AHRR: variants seen among roughly 807,000 people sequenced by gnomAD.
The protein encoded by AHRR is ahR repressor.
A neutral mutation model predicts 44.0 loss-of-function variants in AHRR; 28 were observed. The observed-to-expected ratio is 0.64, with a 90% CI of 0.47 to 0.87. The LOEUF (loss-of-function observed/expected upper bound fraction) is 0.87. Among genes scored for constraint, AHRR ranks in the 40% least tolerant of loss-of-function variants. The pLI is 0.00. For missense variants in AHRR, 990 were observed against 953.9 expected (o/e 1.04, Z -0.50); for synonymous variants, 434 against 407.0 (o/e 1.07, Z -0.80).
At chr5:343,102 C>T (rs568322272) in intron 1 of AHRR, among the ~76,000 whole-genome samples, 3 of 152,192 alleles carry the variant, frequency 2.0e-5, no homozygotes, top group African/African-American at 7.2e-5. Context: ...GATCACACCA[C>T]AGAGAGGAGA....
rs1042200696 is a variant in AHRR, at chr5:342,427, G to C, written c.-10-1466G>C. ...TAAAGAATATACCTTTTTGTCTCTG[G>C]TGATATTCCTTGTTCTGAAGTCTTC... On this transcript the variant is annotated intron_variant, in intron 1 of 10. Transcript: ENST00000684583. This position sits in a 1 kb window ranked among gnomAD's most constrained non-coding sequence, Gnocchi z 4.3. Among the ~76,000 whole-genome samples, 2 of 152,044 alleles carry C rather than the reference G, an allele frequency of 1.3e-5. No individual in the cohort carries two copies. Among genetic ancestry groups the C allele is most frequent in the Non-Finnish European group, 2.9e-5 (2 of 68,016 alleles).
chr5:438,202 T>C lies in AHRR; in HGVS notation c.*3368T>C, dbSNP rs912877476. On this transcript the variant is annotated 3_prime_UTR_variant, in exon 11 of 11. Coordinates refer to ENST00000684583, the MANE Select transcript of AHRR (RefSeq NM_001377236.1). The stretch of plus-strand genomic sequence containing the variant: ...CTTTCTCAGTGCCTTTAGGAAGCTT[T>C]CAAATTTTTTTGTACTGTGGTTTGT... 1 of 152,398 alleles carries C rather than the reference T, an allele frequency of 6.6e-6. No homozygotes were observed. The highest frequency in any genetic ancestry group is 2.4e-5 in the African/African-American group (1 of 41,468). 9.4% of individuals were successfully genotyped at this position (152,398 alleles called of 1,614,324 possible).
chr5:384,369 C>A (rs115880721), intron 4 of AHRR, among the ~76,000 whole-genome samples: 2,176 of 152,274 alleles, frequency 0.014, 68 homozygotes, highest in African/African-American at 0.05. Context: ...AATCCTCTTA[C>A]ACTTTTGCTT....
At chr5:344,319 C>A (rs1298453431) in intron 2 of AHRR, among the ~76,000 whole-genome samples, 1 of 150,582 alleles carries the variant, frequency 6.6e-6, no homozygotes, top group Non-Finnish European at 1.5e-5. Context: ...AGACCGCCAC[C>A]CGCTGGGACG....
intron 2 of AHRR, among the ~76,000 whole-genome samples, chr5:344,481 CG>C (rs1221380858): frequency 1.7e-4 from 1 of 5,854 alleles, no homozygotes; most frequent in South Asian, 7.4e-3. Flanking sequence ...TGTGTGTGCG[CG>C]GGGGGAGCTG....
chr5:364,741 G>GT (rs917816336), intron 3 of AHRR, among the ~76,000 whole-genome samples: 7 of 151,632 alleles, frequency 4.6e-5, no homozygotes, highest in Non-Finnish European at 8.8e-5. Context: ...ACTATATGCT[G>GT]TTTACAGAAA....
chr5:430,409 C>T (rs1039400600), intron 8 of AHRR, among the ~76,000 whole-genome samples: 1 of 152,268 alleles, frequency 6.6e-6, no homozygotes, highest in Middle Eastern at 3.2e-3. Flanking sequence ...CCGTCACACG[C>T]CTGCTGGCTT....
At chr5:408,971 C>G (rs1417405780) in intron 4 of AHRR, among the ~76,000 whole-genome samples, 1 of 152,150 alleles carries the variant, frequency 6.6e-6, no homozygotes, top group African/African-American at 2.4e-5. Flanking sequence ...ATAGGTCTTT[C>G]TCCCACTTTT....
At position 427,941 on chromosome 5, in the gene AHRR, G is replaced by A; in HGVS notation, c.843G>A (p.Met281Ile). The change falls in exon 8 of 11, where the codon ATG becomes ATA. Residue 281 changes from methionine to isoleucine, a missense_variant. Coordinates refer to ENST00000684583, the MANE Select transcript of AHRR (RefSeq NM_001377236.1). Reference protein sequence around the residue: ...APVLLPSAAEMKMRSALLRAK... With the variant: ...APVLLPSAAEIKMRSALLRAK... ...TTCTCCTCCCCTCCGCAGCGGAGATGAAAATGAGGAGCGCGCTCCTGAGGG... is the reference window on the plus strand; with the variant it reads ...TTCTCCTCCCCTCCGCAGCGGAGATAAAAATGAGGAGCGCGCTCCTGAGGG... The A allele has an allele frequency of 6.2e-7, 1 of 1,614,084 alleles. No individual in the cohort carries two copies. The highest frequency in any genetic ancestry group is 8.5e-7 in the Non-Finnish European group (1 of 1,180,038).
At chr5:421,225 G>T in intron 5 of AHRR, 1 of 685,854 alleles carries the variant, frequency 1.5e-6, no homozygotes, top group Non-Finnish European at 2.6e-6. Context: ...CTCCTCGTCG[G>T]CAACGCCCAC....
intron 4 of AHRR, among the ~76,000 whole-genome samples, chr5:379,031 CT>C (rs1485015021): frequency 6.6e-6 from 1 of 152,242 alleles, no homozygotes; most frequent in African/African-American, 2.4e-5. Context: ...TTCTCCTCTG[CT>C]GCTGTTTGCA....
intron 2 of AHRR, among the ~76,000 whole-genome samples, chr5:347,580 AAGAC>A (rs1283028861): frequency 6.6e-6 from 1 of 152,242 alleles, no homozygotes; most frequent in African/African-American, 2.4e-5. Context: ...GGGGCAATGA[AAGAC>A]AGTGAATGAC....
intron 2 of AHRR, among the ~76,000 whole-genome samples, chr5:350,626 G>A (rs891705711): frequency 1.6e-4 from 25 of 152,238 alleles, no homozygotes; most frequent in African/African-American, 5.3e-4. Flanking sequence ...CTTGTTTTCT[G>A]GGGAGGTCTT....
chr5:380,227 A>C (rs1200207417), intron 4 of AHRR, among the ~76,000 whole-genome samples: 1 of 152,208 alleles, frequency 6.6e-6, no homozygotes, highest in Non-Finnish European at 1.5e-5. Context: ...TATCTTACCT[A>C]CTATAGCTTT....
chr5:341,299 G>GC (rs1195018619), intron 1 of AHRR, among the ~76,000 whole-genome samples: 3 of 152,206 alleles, frequency 2.0e-5, no homozygotes, highest in African/African-American at 7.2e-5. Context: ...ATAGGCCTAA[G>GC]CCACTGCGCC....
chr5:328,728 C>A (rs1741812119), intron 1 of AHRR, among the ~76,000 whole-genome samples: 2 of 152,050 alleles, frequency 1.3e-5, no homozygotes. Flanking sequence ...AATGGGATCA[C>A]TTGGGTTTTT....
Position 422,788 on chromosome 5 carries a change from C to T in AHRR, c.501C>T (p.Phe167=), listed in dbSNP as rs1736192762. 9 of 1,614,038 alleles carry T rather than the reference C, an allele frequency of 5.6e-6. No individual in the cohort carries two copies. Among genetic ancestry groups the T allele is most frequent in the African/African-American group, 1.3e-5 (1 of 74,926 alleles). ...TCCACGTGGACGACCGCCAGGACTTCTGCCGGCAGCTCCACTGGGCCATGG... is the reference window on the plus strand; with the variant it reads ...TCCACGTGGACGACCGCCAGGACTTTTGCCGGCAGCTCCACTGGGCCATGG... ...DYIHVDDRQD[F]CRQLHWAMDP... is the part of the protein sequence containing the mutation. Residue 167 remains phenylalanine, a synonymous_variant, in exon 6 of 11, where the codon TTC becomes TTT. Transcript: ENST00000684583.
rs3840994 is a variant in AHRR at position 404,337 on chromosome 5, CT to C, written c.352-8997del. On this transcript the variant is annotated intron_variant, in intron 4 of 10. Transcript: ENST00000684583. The surrounding 1 kb of genome is among the most constrained non-coding windows in gnomAD (Gnocchi z 4.1). ...CAGTGTTACTAAAAGCTGTTTCACT[CT>C]TTTTTTTTTCTTTTTTCCTTCATTC... is the stretch of plus-strand genomic sequence containing the variant. The C allele has an allele frequency of 0.41, 186,088 of 458,452 alleles. 37,357 individuals are homozygous for C. Among genetic ancestry groups the C allele is most frequent in the South Asian group, 0.49 (28,773 of 58,504 alleles). The allele number at this position is 458,452 out of a possible 1,614,324, so 28.4% of individuals were successfully genotyped here.
Position 336,042 on chromosome 5 carries a change from G to A in AHRR, c.-10-7851G>A, listed in dbSNP as rs146868106. On this transcript the variant is annotated intron_variant, in intron 1 of 10. Coordinates refer to ENST00000684583, the MANE Select transcript of AHRR (RefSeq NM_001377236.1). ...ACTGCTTGTACCAGGAACATGCACC[G>A]TCTGCTAAGAACTAGGATGGAGAAT... is the stretch of plus-strand genomic sequence containing the variant. Among the ~76,000 whole-genome samples, 119 of 152,344 alleles carry A rather than the reference G, an allele frequency of 7.8e-4. 1 individual carries two copies. The highest frequency in any genetic ancestry group is 2.7e-3 in the African/African-American group (111 of 41,580).
Sources: allele counts gnomAD v4.1 joint callset (sites outside exome capture counted in the v4.1 genomes callset), GRCh38; gene constraint gnomAD v4.1.1; non-coding constraint Gnocchi (gnomAD v3.1); transcripts MANE v1.5; gene names NCBI Gene and HGNC (gene_info 2026-07-23, HGNC 2026-07-21).